GRM1: variants seen among roughly 807,000 people sequenced by gnomAD.
GRM1 encodes metabotropic glutamate receptor 1.
GRM1 carries 33 observed loss-of-function variants against 90.9 expected under a neutral mutation model. The ratio of observed to expected loss-of-function variants is 0.36; its 90% confidence interval spans 0.28 to 0.49. GRM1 has a LOEUF of 0.49. Among genes scored for constraint, GRM1 ranks in the 20% least tolerant of loss-of-function variants. The pLI is 0.99. For synonymous variants in GRM1, 700 were observed against 613.2 expected, an observed-to-expected ratio of 1.14 and a Z score of -2.09; for missense variants, 1,190 against 1,534.3, an observed-to-expected ratio of 0.78 and a Z score of 3.75.
intron 5 of GRM1, among the ~76,000 whole-genome samples, chr6:146,383,889 C>A (rs1776405736): frequency 1.3e-5 from 2 of 152,030 alleles, no homozygotes; most frequent in Non-Finnish European, 2.9e-5. Flanking sequence ...CCATAAGCAA[C>A]TAGAAATCTT....
intron 3 of GRM1, among the ~76,000 whole-genome samples, chr6:146,333,426 A>C (rs1004437306): frequency 6.6e-6 from 1 of 152,124 alleles, no homozygotes; most frequent in Non-Finnish European, 1.5e-5. Context: ...ACACATTATT[A>C]CTGTAAGATT....
At chr6:146,038,447 C>A (rs1226027334) in intron 1 of GRM1, among the ~76,000 whole-genome samples, 1 of 151,988 alleles carries the variant, frequency 6.6e-6, no homozygotes, top group East Asian at 1.9e-4. Flanking sequence ...TGCAACAGTG[C>A]TCCATATAGG....
At chr6:146,073,321 T>A (rs1416221495) in intron 1 of GRM1, among the ~76,000 whole-genome samples, 2 of 152,102 alleles carry the variant, frequency 1.3e-5, no homozygotes, top group Admixed American at 6.6e-5. Context: ...CAATGTGGGT[T>A]AGAACACACA....
At position 146,388,886 on chromosome 6, in the gene GRM1, T is replaced by C. The variant is rs144124177; in HGVS notation, c.1729+1870T>C. Among the ~76,000 whole-genome samples the C allele has an allele frequency of 7.2e-3, 1,092 of 152,194 alleles. 9 individuals carry two copies. The highest frequency in any genetic ancestry group is 9.3e-3 in the Non-Finnish European group (629 of 67,978). ...GGAAGAAGGGACTCACCCAGGGTCATCGAGGTCAATGCAGTTGGTTAATAG... is the reference window on the plus strand; with the variant it reads ...GGAAGAAGGGACTCACCCAGGGTCACCGAGGTCAATGCAGTTGGTTAATAG... On this transcript the variant is annotated intron_variant, in intron 6 of 7. Transcript: ENST00000282753.
intron 3 of GRM1, among the ~76,000 whole-genome samples, chr6:146,322,570 C>CTTTATTTTATTTTAT (rs1554296827): frequency 2.7e-5 from 3 of 109,928 alleles, no homozygotes; most frequent in African/African-American, 1.7e-4. Context: ...GGGCTGCTGC[C>CTTTATTTTATTTTAT]TTTCTTTTAT....
At chr6:146,151,670 T>C (rs1227143487) in intron 1 of GRM1, among the ~76,000 whole-genome samples, 1 of 152,312 alleles carries the variant, frequency 6.6e-6, no homozygotes, top group East Asian at 1.9e-4. Context: ...TGGATAATTA[T>C]GTCTGACTTT....
intron 2 of GRM1, among the ~76,000 whole-genome samples, chr6:146,293,321 G>A (rs147170746): frequency 1.8e-3 from 277 of 152,044 alleles, no homozygotes; most frequent in African/African-American, 6.0e-3. Flanking sequence ...AAAAAACAAT[G>A]GAGAGGAGAT....
intron 7 of GRM1, among the ~76,000 whole-genome samples, chr6:146,431,864 A>G (rs999615684): frequency 2.0e-5 from 3 of 152,254 alleles, no homozygotes; most frequent in Non-Finnish European, 4.4e-5. Context: ...AATGCATAAA[A>G]AAAACAAAGT....
At chr6:146,109,799 A>G (rs2128873374) in intron 1 of GRM1, among the ~76,000 whole-genome samples, 1 of 152,310 alleles carries the variant, frequency 6.6e-6, no homozygotes, top group Middle Eastern at 3.4e-3. Context: ...GACCATGGGA[A>G]CCCCTGTCAT....
chr6:146,254,491 G>A (rs1251951833), intron 2 of GRM1, among the ~76,000 whole-genome samples: 2 of 152,112 alleles, frequency 1.3e-5, no homozygotes, highest in Admixed American at 6.6e-5. Flanking sequence ...TTAAATTGAT[G>A]ACTTTTGACG....
intron 1 of GRM1, among the ~76,000 whole-genome samples, chr6:146,038,732 G>T (rs1013215501): frequency 9.9e-5 from 15 of 151,670 alleles, no homozygotes; most frequent in Non-Finnish European, 1.5e-5. Flanking sequence ...CACAGCTATT[G>T]TTAAACAATC....
intron 2 of GRM1, among the ~76,000 whole-genome samples, chr6:146,242,411 C>T (rs578071784): frequency 3.3e-5 from 5 of 152,126 alleles, no homozygotes; most frequent in East Asian, 3.9e-4. Context: ...TGAGGATTTT[C>T]GAGAACCAGA....
At chr6:146,285,050 T>C (rs138784899) in intron 2 of GRM1, among the ~76,000 whole-genome samples, 218 of 152,318 alleles carry the variant, frequency 1.4e-3, no homozygotes, top group African/African-American at 5.0e-3. Context: ...CCTCCTTTCA[T>C]ACAATCTTAG....
intron 3 of GRM1, among the ~76,000 whole-genome samples, chr6:146,327,397 A>T (rs1784431846): frequency 6.6e-6 from 1 of 152,168 alleles, no homozygotes; most frequent in African/African-American, 2.4e-5. Context: ...AATGTCCAAA[A>T]GAAACAAATA....
chr6:146,077,006 G>C (rs1277856731), intron 1 of GRM1, among the ~76,000 whole-genome samples: 3 of 152,176 alleles, frequency 2.0e-5, no homozygotes, highest in Admixed American at 2.0e-4. Context: ...AATCTAGAGA[G>C]GGTAGGTGTG....
chr6:146,426,916 C>T (rs1279505313), intron 7 of GRM1, among the ~76,000 whole-genome samples: 1 of 152,024 alleles, frequency 6.6e-6, no homozygotes, highest in Non-Finnish European at 1.5e-5. Context: ...TTGTGACTCC[C>T]ACTCACAAGC....
chr6:146,269,335 C>A (rs905966719), intron 2 of GRM1, among the ~76,000 whole-genome samples: 5 of 152,298 alleles, frequency 3.3e-5, no homozygotes, highest in Admixed American at 6.5e-5. Context: ...TATATTTACA[C>A]TTCCTTTTAT....
At chr6:146,140,548 C>G (rs1776836210) in intron 1 of GRM1, among the ~76,000 whole-genome samples, 1 of 152,172 alleles carries the variant, frequency 6.6e-6, no homozygotes, top group Non-Finnish European at 1.5e-5. Flanking sequence ...GGATTATAGG[C>G]ATGAGCCGCC....
At chr6:146,172,376 C>T (rs892343861) in intron 2 of GRM1, among the ~76,000 whole-genome samples, 1 of 152,206 alleles carries the variant, frequency 6.6e-6, no homozygotes, top group African/African-American at 2.4e-5. Context: ...GACATTCTCC[C>T]TAATTTCAGA....
Sources: allele counts gnomAD v4.1 joint callset (sites outside exome capture counted in the v4.1 genomes callset), GRCh38; gene constraint gnomAD v4.1.1; transcripts MANE v1.5; gene names NCBI Gene and HGNC (gene_info 2026-07-23, HGNC 2026-07-21).